Variants in ERC2 observed in about 807,000 individuals in gnomAD.
ERC2 encodes the protein ELKS/RAB6-interacting/CAST family member 2, also known as ERC protein 2.
ERC2 carries 42 observed loss-of-function variants against 114.8 expected under a neutral mutation model. That is an observed-to-expected ratio of 0.37 (90% CI 0.29 to 0.47). The LOEUF is 0.47. Ranked by LOEUF, ERC2 falls within the 20% of genes least tolerant of loss-of-function variation. The pLI is 0.99. For synonymous variants in ERC2, 454 were observed against 425.5 expected (o/e 1.07, Z -0.82); for missense variants, 939 against 1,150.7 (o/e 0.82, Z 2.66).
At chr3:56,210,992 A>G (rs1454178070) in intron 3 of ERC2, among the ~76,000 whole-genome samples, 3 of 152,304 alleles carry the variant, frequency 2.0e-5, no homozygotes, top group Middle Eastern at 3.4e-3. Context: ...TTAGGGGATG[A>G]AAACACTATA....
chr3:55,964,901 AG>A (rs751067804), intron 12 of ERC2, among the ~76,000 whole-genome samples: 15 of 152,220 alleles, frequency 9.9e-5, no homozygotes, highest in Non-Finnish European at 1.8e-4. Context: ...CTGGTCTGAA[AG>A]GCCACCCAAA....
intron 7 of ERC2, among the ~76,000 whole-genome samples, chr3:56,032,649 T>C (rs1415679840): frequency 6.6e-6 from 1 of 151,838 alleles, no homozygotes; most frequent in East Asian, 1.9e-4. Context: ...GAAAAGTGAT[T>C]CATCACATAA....
In ERC2 at chr3:55,784,611, C is replaced by A. The variant is rs542973335; in HGVS notation, c.2565-49693G>T. Among the ~76,000 whole-genome samples, 5 of 152,310 alleles carry A rather than the reference C, an allele frequency of 3.3e-5. No homozygotes were observed. The South Asian group carries it at 1.0e-3, about 32-fold the overall frequency. On this transcript the variant is annotated intron_variant, in intron 14 of 17. Transcript: ENST00000288221. ...CTCTTAACGTGAACAGTTTAGAGAT[C>A]TTTCTTCTTCCTTTATGTTTTGTCA... is the stretch of plus-strand genomic sequence containing the variant.
intron 12 of ERC2, among the ~76,000 whole-genome samples, chr3:55,974,077 C>T: frequency 6.6e-6 from 1 of 152,190 alleles, no homozygotes; most frequent in African/African-American, 2.4e-5. Flanking sequence ...GAAGCCAGCA[C>T]AGATCCTTTC....
intron 6 of ERC2, among the ~76,000 whole-genome samples, chr3:56,094,796 G>T (rs566800887): frequency 1.3e-5 from 2 of 152,310 alleles, no homozygotes; most frequent in African/African-American, 2.4e-5. Context: ...GATAAAGGTG[G>T]TAGTTAGATT....
At chr3:55,722,493 A>T (rs565965253) in intron 15 of ERC2, among the ~76,000 whole-genome samples, 1 of 152,288 alleles carries the variant, frequency 6.6e-6, no homozygotes, top group South Asian at 2.1e-4. Context: ...CAGCTCCCCA[A>T]ATCCCTCATA....
At chr3:55,916,919 A>C (rs1246679669) in intron 13 of ERC2, among the ~76,000 whole-genome samples, 2 of 152,224 alleles carry the variant, frequency 1.3e-5, no homozygotes, top group Non-Finnish European at 2.9e-5. Context: ...ATGCTAAATA[A>C]ATGAGTAAAC....
chr3:55,575,722 G>C (rs2056943232), intron 17 of ERC2, among the ~76,000 whole-genome samples: 1 of 152,182 alleles, frequency 6.6e-6, no homozygotes, highest in South Asian at 2.1e-4. Flanking sequence ...TGGCTCAGCT[G>C]AGGGGAGAGG....
At chr3:55,780,156 T>C (rs2068924174) in intron 14 of ERC2, among the ~76,000 whole-genome samples, 1 of 152,168 alleles carries the variant, frequency 6.6e-6, no homozygotes, top group Admixed American at 6.5e-5. Context: ...CACTAGTATT[T>C]AGTATTGTTT....
chr3:56,196,264 G>A (rs1575779150), intron 3 of ERC2, among the ~76,000 whole-genome samples: 2 of 152,162 alleles, frequency 1.3e-5, no homozygotes, highest in Non-Finnish European at 2.9e-5. Flanking sequence ...ATTAGACAAA[G>A]TTAGAAAACC....
chr3:56,082,466 G>A (rs545823313), intron 6 of ERC2, among the ~76,000 whole-genome samples: 5 of 151,960 alleles, frequency 3.3e-5, no homozygotes, highest in East Asian at 1.9e-4. Flanking sequence ...ACCCAGTCTC[G>A]GTGCTTTGTT....
intron 7 of ERC2, among the ~76,000 whole-genome samples, chr3:56,020,231 G>A (rs993654923): frequency 3.3e-5 from 5 of 152,028 alleles, no homozygotes; most frequent in Admixed American, 3.3e-4. Flanking sequence ...GGCCACAATG[G>A]AAACCCGTAA....
intron 17 of ERC2, among the ~76,000 whole-genome samples, chr3:55,635,393 T>TC (rs2059919121): frequency 1.3e-5 from 2 of 152,060 alleles, no homozygotes; most frequent in South Asian, 4.1e-4. Flanking sequence ...TGATTTTTTT[T>TC]CTTTCTTTTT....
intron 6 of ERC2, among the ~76,000 whole-genome samples, chr3:56,097,013 G>GGT (rs2078099485): frequency 6.6e-6 from 1 of 152,142 alleles, no homozygotes; most frequent in South Asian, 2.1e-4. Context: ...CTCCCACTAA[G>GGT]GTGTGTGTTG....
At chr3:55,625,461 G>T (rs1015980192) in intron 17 of ERC2, among the ~76,000 whole-genome samples, 2 of 151,048 alleles carry the variant, frequency 1.3e-5, no homozygotes, top group African/African-American at 4.9e-5. Flanking sequence ...ATAAGAAGAG[G>T]GAGGAGGAGG....
At chr3:56,092,073 G>A (rs1298263296) in intron 6 of ERC2, among the ~76,000 whole-genome samples, 1 of 152,164 alleles carries the variant, frequency 6.6e-6, no homozygotes, top group Admixed American at 6.5e-5. Context: ...CTCTTAGGTT[G>A]TCTGTTCTCA....
intron 6 of ERC2, among the ~76,000 whole-genome samples, chr3:56,084,332 C>A (rs2077393700): frequency 6.6e-6 from 1 of 152,118 alleles, no homozygotes; most frequent in African/African-American, 2.4e-5. Context: ...AAAAGTCAAT[C>A]TACTATTCCA....
At chr3:55,688,556 G>A (rs78394054) in intron 16 of ERC2, among the ~76,000 whole-genome samples, 139 of 152,302 alleles carry the variant, frequency 9.1e-4, no homozygotes, top group African/African-American at 3.1e-3. Flanking sequence ...TCTAGAGTAC[G>A]TTGAACTTGG....
chr3:56,264,854 C>A (rs554828401), intron 3 of ERC2, among the ~76,000 whole-genome samples: 1 of 149,890 alleles, frequency 6.7e-6, no homozygotes, highest in Admixed American at 6.6e-5. Flanking sequence ...GAAAATGATC[C>A]GATTTACAAT....
Sources: allele counts gnomAD v4.1 joint callset (sites outside exome capture counted in the v4.1 genomes callset), GRCh38; gene constraint gnomAD v4.1.1; transcripts MANE v1.5; gene names NCBI Gene and HGNC (gene_info 2026-07-23, HGNC 2026-07-21).